Variants in HMCN1 observed in about 807,000 individuals in gnomAD.
The protein encoded by HMCN1 is hemicentin-1.
In HMCN1, 321 loss-of-function variants were observed where a neutral mutation model predicts 625.9. That is an observed-to-expected ratio of 0.51 (90% confidence interval 0.47 to 0.56). The LOEUF (loss-of-function observed/expected upper bound fraction) is 0.56, where lower values mean the gene tolerates loss of function less well. Among genes scored for constraint, HMCN1 ranks in the 20% least tolerant of loss-of-function variants. The probability of loss-of-function intolerance (pLI) is 0.00; values close to 1 mark genes in which losing one functional copy is unlikely to be tolerated. For synonymous variants in HMCN1, 2,425 were observed against 2,417.6 expected, an observed-to-expected ratio of 1.00 and a Z score of -0.09; for missense variants, 6,588 against 6,887.3, an observed-to-expected ratio of 0.96 and a Z score of 1.54.
At chr1:185,898,905 C>T (rs972704542) in intron 4 of HMCN1, among the ~76,000 whole-genome samples, 5 of 151,082 alleles carry the variant, frequency 3.3e-5, no homozygotes, top group Admixed American at 3.3e-4. Flanking sequence ...AAAAATCAGA[C>T]ATTGATGATT....
chr1:186,049,317 G>A (rs1002080639), intron 42 of HMCN1, among the ~76,000 whole-genome samples: 1 of 151,852 alleles, frequency 6.6e-6, no homozygotes, highest in African/African-American at 2.4e-5. Context: ...ACTAATTAAG[G>A]TAATTCTCAT....
At chr1:185,824,536 C>T (rs550675774) in intron 1 of HMCN1, among the ~76,000 whole-genome samples, 11 of 152,218 alleles carry the variant, frequency 7.2e-5, no homozygotes, top group African/African-American at 2.2e-4. Context: ...TAATATCCTA[C>T]GCTAAGCTCT....
Position 186,144,754 on chromosome 1 carries a change from A to G in HMCN1, c.14266+51A>G, listed in dbSNP as rs762552875. On this transcript the variant is annotated intron_variant, in intron 91 of 106. Coordinates refer to ENST00000271588, the MANE Select transcript of HMCN1 (RefSeq NM_031935.3). ...CATTATACTTTCATAAAGTTTCATT[A>G]TGACTGTAATTCCTTAAAGTTGCAA... The G allele has an allele frequency of 2.5e-6, 4 of 1,593,140 alleles. No individual in the cohort carries two copies. In the African/African-American group the frequency reaches 5.4e-5, roughly 21 times the overall value.
At chr1:185,923,712 C>T in intron 8 of HMCN1, 59 bp downstream of exon 8, 2 of 1,370,784 alleles carry the variant, frequency 1.5e-6, no homozygotes, top group Non-Finnish European at 1.0e-6. Flanking sequence ...TGATGTTGTC[C>T]CATAGGTAAA....
intron 81 of HMCN1, among the ~76,000 whole-genome samples, chr1:186,123,513 C>T (rs759302870): frequency 1.5e-4 from 23 of 151,986 alleles, no homozygotes; most frequent in Non-Finnish European, 1.5e-4. Context: ...ATGAAGAGTC[C>T]GTTTGTGTTT....
At chr1:186,045,614 T>C (rs190949895) in intron 40 of HMCN1, 74 bp from the exon 41 acceptor site, 10 of 1,098,208 alleles carry the variant, frequency 9.1e-6, no homozygotes, top group Admixed American at 5.1e-5. Context: ...ATTCAGTATA[T>C]GTCCTGATAA....
intron 4 of HMCN1, among the ~76,000 whole-genome samples, chr1:185,872,647 G>A (rs1663691223): frequency 1.3e-5 from 2 of 152,108 alleles, no homozygotes; most frequent in African/African-American, 4.8e-5. Context: ...TGAAACAGCA[G>A]GGGATGAGAC....
intron 86 of HMCN1, 136 bp from the exon 87 acceptor site, chr1:186,136,531 TA>T: frequency 1.3e-6 from 1 of 768,406 alleles, no homozygotes. Flanking sequence ...TTATAATCTA[TA>T]ATCTTAGTTG....
chr1:186,109,232 G>T (rs1018179234), intron 71 of HMCN1, among the ~76,000 whole-genome samples: 4 of 151,990 alleles, frequency 2.6e-5, no homozygotes, highest in African/African-American at 9.7e-5. Context: ...TCCTCTTATT[G>T]TAACCTACAC....
intron 15 of HMCN1, among the ~76,000 whole-genome samples, chr1:185,971,697 TC>T (rs1228850152): frequency 1.3e-5 from 2 of 152,192 alleles, no homozygotes. Flanking sequence ...GAAAATTATG[TC>T]CTCCTAACTT....
At chr1:185,890,461 TC>T (rs2102409761) in intron 4 of HMCN1, among the ~76,000 whole-genome samples, 1 of 146,372 alleles carries the variant, frequency 6.8e-6, no homozygotes, top group Admixed American at 6.6e-5. Context: ...GCTATAAATT[TC>T]CCTCTACACA....
At chr1:185,877,850 G>A (rs1181898061) in intron 4 of HMCN1, among the ~76,000 whole-genome samples, 1 of 151,964 alleles carries the variant, frequency 6.6e-6, no homozygotes, top group African/African-American at 2.4e-5. Flanking sequence ...ACTAAACATA[G>A]TATCTGATAG....
intron 9 of HMCN1, among the ~76,000 whole-genome samples, chr1:185,925,642 C>G (rs1393104740): frequency 6.6e-6 from 1 of 151,958 alleles, no homozygotes; most frequent in Non-Finnish European, 1.5e-5. Context: ...AAGTGTAGAG[C>G]GGGTTAGTTG....
intron 11 of HMCN1, among the ~76,000 whole-genome samples, chr1:185,940,631 C>T: frequency 6.6e-6 from 1 of 152,218 alleles, no homozygotes; most frequent in Non-Finnish European, 1.5e-5. Context: ...ATGATTGGGG[C>T]AGAACTTAAC....
chr1:185,798,333 G>A (rs1658548367), intron 1 of HMCN1, among the ~76,000 whole-genome samples: 2 of 152,074 alleles, frequency 1.3e-5, no homozygotes, highest in Admixed American at 1.3e-4. Context: ...CTGACTTTAG[G>A]CTGATGATTG....
chr1:186,073,467 GGTTTTT>G (rs201940927), intron 52 of HMCN1, among the ~76,000 whole-genome samples: 2 of 152,036 alleles, frequency 1.3e-5, no homozygotes, highest in African/African-American at 4.8e-5. Context: ...CAGCAAGAGA[GGTTTTT>G]GTTTTTGTTT....
Position 185,877,871 on chromosome 1 carries a change from T to C in HMCN1, c.621+12008T>C, listed in dbSNP as rs891332076. On this transcript the variant is annotated intron_variant, in intron 4 of 106. Coordinates refer to ENST00000271588, the MANE Select transcript of HMCN1 (RefSeq NM_031935.3). ...CATAGTATCTGATAGTTTTTTTTCC[T>C]AATCCTCTCCCTGCTCACTCCCTCC... 3.3e-5 allele frequency among the ~76,000 whole-genome samples: 5 copies of C among 152,076 alleles called. 1 individual carries two copies. The highest frequency in any genetic ancestry group is 6.6e-5 in the Admixed American group (1 of 15,260).
chr1:186,096,018 G>A (rs1347140108), intron 68 of HMCN1, among the ~76,000 whole-genome samples: 2 of 152,148 alleles, frequency 1.3e-5, no homozygotes, highest in African/African-American at 4.8e-5. Flanking sequence ...ACAGTTTAAA[G>A]AGAAAACACT....
chr1:185,825,714 A>T (rs1660473849), intron 1 of HMCN1, among the ~76,000 whole-genome samples: 1 of 152,190 alleles, frequency 6.6e-6, no homozygotes, highest in South Asian at 2.1e-4. Flanking sequence ...AATTTATGGT[A>T]GTGTTTGGCC....
Sources: gnomAD v4.1 joint callset for allele counts (sites outside exome capture counted in the v4.1 genomes callset) on GRCh38, gnomAD v4.1.1 for gene constraint, MANE v1.5 for transcripts, NCBI Gene and HGNC (gene_info 2026-07-23, HGNC 2026-07-21) for gene names.